Variants in MAN1A2 observed in about 807,000 individuals in gnomAD.
The protein encoded by MAN1A2 is mannosyl-oligosaccharide 1,2-alpha-mannosidase IB.
MAN1A2 carries 26 observed loss-of-function variants against 75.7 expected under a neutral mutation model. That is an observed-to-expected ratio of 0.34 (90% CI 0.25 to 0.48). The LOEUF is 0.48. Among genes scored for constraint, MAN1A2 ranks in the 20% least tolerant of loss-of-function variants. The pLI is 0.99. For synonymous variants in MAN1A2, 247 were observed against 264.6 expected (o/e 0.93, Z 0.65); for missense variants, 562 against 775.5 (o/e 0.72, Z 3.27).
rs567959538 is a variant in MAN1A2, at chr1:117,489,353, T to C, written c.1169-3794T>C. On this transcript the variant is annotated intron_variant, in intron 8 of 12. Transcript: ENST00000356554. Reference sequence around the variant, plus strand: ...GAACCATAATCTTGCCAACATTGGATATTATCAGTCTTTTAAAATGTTCAC... The same window carrying C: ...GAACCATAATCTTGCCAACATTGGACATTATCAGTCTTTTAAAATGTTCAC... Among the ~76,000 whole-genome samples, 4 of 152,238 alleles carry C rather than the reference T, an allele frequency of 2.6e-5. No homozygotes were observed. In the East Asian group the frequency reaches 5.8e-4, roughly 22 times the overall value.
In MAN1A2 at chr1:117,389,225, C is replaced by T. The variant is rs559922165; in HGVS notation, c.303-12961C>T. Among the ~76,000 whole-genome samples, 18 of 152,344 alleles carry T rather than the reference C, an allele frequency of 1.2e-4. No individual in the cohort carries two copies. In the South Asian group the frequency reaches 3.7e-3, roughly 32 times the overall value. ...CTTTTTCCTTTGGGTTTTATACCTT[C>T]TTCAGTTTCTGATTTGTTACAGCAG... On this transcript the variant is annotated intron_variant, in intron 1 of 12. Transcript: ENST00000356554.
intron 8 of MAN1A2, among the ~76,000 whole-genome samples, chr1:117,491,360 T>C (rs561826718): frequency 1.3e-5 from 2 of 152,044 alleles, no homozygotes; most frequent in Non-Finnish European, 2.9e-5. Context: ...TTACATCTAC[T>C]CCCTGTGTGG....
Position 117,460,576 on chromosome 1 carries a change from C to A in MAN1A2, c.1038C>A (p.Leu346=). 6.2e-7 allele frequency: 1 copy of A among 1,610,266 alleles called. No homozygotes were observed. The highest frequency in any genetic ancestry group is 2.2e-5 in the East Asian group (1 of 44,668). ...CACTACATATGGAGTTCATCCACCT[C>A]AGCTACTTGACAGGGGACCTGACTT... is the stretch of plus-strand genomic sequence containing the variant. ...FGTLHMEFIH[L]SYLTGDLTYY... The change falls in exon 7 of 13, where the codon CTC becomes CTA. Residue 346 remains leucine, a synonymous_variant. Coordinates refer to ENST00000356554, the MANE Select transcript of MAN1A2 (RefSeq NM_006699.5).
chr1:117,409,329 G>A (rs925635065), intron 3 of MAN1A2, among the ~76,000 whole-genome samples: 2 of 151,920 alleles, frequency 1.3e-5, no homozygotes, highest in Non-Finnish European at 2.9e-5. Flanking sequence ...ATTCAATTCA[G>A]TGTTTTAAAA....
Position 117,416,714 on chromosome 1 carries a change from G to C in MAN1A2, c.774+1883G>C, listed in dbSNP as rs1323812912. ...AACAGGAAACAGCTGCCACCTGTGG[G>C]GACTATAAGAACAATGGGAAGAGGT... On this transcript the variant is annotated intron_variant, in intron 4 of 12. Coordinates refer to ENST00000356554, the MANE Select transcript of MAN1A2 (RefSeq NM_006699.5). 2.0e-5 allele frequency among the ~76,000 whole-genome samples: 3 copies of C among 152,206 alleles called. No individual in the cohort carries two copies. The East Asian group carries it at 5.8e-4, about 29-fold the overall frequency.
intron 1 of MAN1A2, among the ~76,000 whole-genome samples, chr1:117,379,848 C>A (rs1489959772): frequency 6.6e-6 from 1 of 152,024 alleles, no homozygotes; most frequent in Non-Finnish European, 1.5e-5. Context: ...GAATAATATG[C>A]CATTGTTTGT....
chr1:117,422,332 A>G (rs898860050), intron 5 of MAN1A2, among the ~76,000 whole-genome samples: 2 of 151,952 alleles, frequency 1.3e-5, no homozygotes, highest in African/African-American at 4.8e-5. Context: ...ATTCCTTTTT[A>G]CTGTATTACA....
At chr1:117,433,713 C>A (rs1275321371) in intron 5 of MAN1A2, among the ~76,000 whole-genome samples, 1 of 152,122 alleles carries the variant, frequency 6.6e-6, no homozygotes, top group Non-Finnish European at 1.5e-5. Context: ...AATACTGATT[C>A]ATTGTAGTCA....
rs1652081327 is a variant in MAN1A2 at position 117,528,452 on chromosome 1, C to T, written c.*5495C>T. On this transcript the variant is annotated 3_prime_UTR_variant, in exon 13 of 13. Coordinates refer to ENST00000356554, the MANE Select transcript of MAN1A2 (RefSeq NM_006699.5). ...TAAGTGTGGGGATCAAACACACACACCTATACACATACATATTAATATGCA... is the reference window on the plus strand; with the variant it reads ...TAAGTGTGGGGATCAAACACACACATCTATACACATACATATTAATATGCA... 1 of 151,956 alleles carries T rather than the reference C, an allele frequency of 6.6e-6. No individual in the cohort carries two copies. The highest frequency in any genetic ancestry group is 2.4e-5 in the African/African-American group (1 of 41,372). The allele number at this position is 151,956 out of a possible 1,614,324, so 9.4% of individuals were successfully genotyped here. A position where few individuals can be genotyped will look rare whatever the true frequency, so the allele number is the denominator to read the frequency against.
chr1:117,517,763 A>G (rs1189456199), intron 12 of MAN1A2, among the ~76,000 whole-genome samples: 1 of 152,028 alleles, frequency 6.6e-6, no homozygotes, highest in Non-Finnish European at 1.5e-5. Flanking sequence ...AAAACTTTCC[A>G]AACTTGATGT....
At chr1:117,509,539 A>G (rs1651468249) in intron 12 of MAN1A2, among the ~76,000 whole-genome samples, 1 of 151,936 alleles carries the variant, frequency 6.6e-6, no homozygotes, top group Non-Finnish European at 1.5e-5. Context: ...GTGTATTATC[A>G]GTACTTCATT....
intron 6 of MAN1A2, among the ~76,000 whole-genome samples, chr1:117,444,994 A>G (rs893367996): frequency 1.3e-5 from 2 of 152,166 alleles, no homozygotes; most frequent in African/African-American, 2.4e-5. Context: ...TTCATCAGTT[A>G]TATCAATTTC....
chr1:117,401,261 A>T (rs934230316), intron 1 of MAN1A2, among the ~76,000 whole-genome samples: 3 of 152,104 alleles, frequency 2.0e-5, no homozygotes, highest in African/African-American at 7.2e-5. Flanking sequence ...AAAAACACAA[A>T]CTTTTCCAAA....
intron 4 of MAN1A2, among the ~76,000 whole-genome samples, chr1:117,418,988 T>C (rs542346732): frequency 3.9e-4 from 60 of 152,212 alleles, no homozygotes; most frequent in African/African-American, 1.3e-3. Context: ...TGTTCAGTTA[T>C]GTGAAAGGAA....
chr1:117,481,867 G>T (rs972652114), intron 8 of MAN1A2, among the ~76,000 whole-genome samples: 1 of 151,920 alleles, frequency 6.6e-6, no homozygotes, highest in African/African-American at 2.4e-5. Context: ...ATGGAAATTT[G>T]TTTCATGTTC....
At chr1:117,460,065 TAA>T (rs148646990) in intron 6 of MAN1A2, among the ~76,000 whole-genome samples, 29 of 132,202 alleles carry the variant, frequency 2.2e-4, no homozygotes, top group Non-Finnish European at 1.6e-4. Flanking sequence ...CGTACAACTG[TAA>T]AAAAAAAAAA....
At position 117,367,779 on chromosome 1, in the gene MAN1A2, ACTC is replaced by A. The variant is rs1213827628; in HGVS notation, c.-401_-399del. The A allele has an allele frequency of 1.2e-5, 2 of 171,142 alleles. No homozygotes were observed. The highest frequency in any genetic ancestry group is 2.4e-5 in the African/African-American group (1 of 41,832). The allele number at this position is 171,142 out of a possible 1,614,324, so 10.6% of individuals were successfully genotyped here. ...AAGGAGATCAAGTGAACCTTCTACAACTCCTCGGATGTCGCCAGTCTCCCTTTC... is the reference window on the plus strand; with the variant it reads ...AAGGAGATCAAGTGAACCTTCTACAACTCGGATGTCGCCAGTCTCCCTTTC... On this transcript the variant is annotated 5_prime_UTR_variant, in exon 1 of 13. Coordinates refer to ENST00000356554, the MANE Select transcript of MAN1A2 (RefSeq NM_006699.5).
intron 2 of MAN1A2, among the ~76,000 whole-genome samples, 154 bp downstream of exon 2, chr1:117,402,595 T>C (rs878994580): frequency 6.6e-6 from 1 of 151,842 alleles, no homozygotes; most frequent in South Asian, 2.1e-4. Context: ...CTAGAACTCT[T>C]TCTTGTTTTT....
intron 6 of MAN1A2, 28 bp from the exon 7 acceptor site, chr1:117,460,461 T>C: frequency 6.4e-7 from 1 of 1,569,376 alleles, no homozygotes; most frequent in Non-Finnish European, 8.7e-7. Context: ...CAATCCTGTG[T>C]CTCCTTTTAC....
Sources: gnomAD v4.1 joint callset for allele counts (sites outside exome capture counted in the v4.1 genomes callset) on GRCh38, gnomAD v4.1.1 for gene constraint, MANE v1.5 for transcripts, NCBI Gene and HGNC (gene_info 2026-07-23, HGNC 2026-07-21) for gene names.